Variants in ZBBX observed in about 807,000 individuals in gnomAD.
ZBBX encodes the protein zinc finger B-box domain-containing protein 1.
ZBBX carries 101 observed loss-of-function variants against 108.5 expected under a neutral mutation model. That is an observed-to-expected ratio of 0.93 (90% confidence interval 0.79 to 1.10). The LOEUF (loss-of-function observed/expected upper bound fraction) is 1.10, where lower values mean the gene tolerates loss of function less well. Among genes scored for constraint, ZBBX ranks in the 50% least tolerant of loss-of-function variants. The probability of loss-of-function intolerance (pLI) is 0.00; values close to 1 mark genes in which losing one functional copy is unlikely to be tolerated. For missense variants in ZBBX, 1,009 were observed against 941.4 expected, an observed-to-expected ratio of 1.07 and a Z score of -0.94; for synonymous variants, 356 against 323.4, an observed-to-expected ratio of 1.10 and a Z score of -1.08.
the ZBBX span, among the ~76,000 whole-genome samples, chr3:167,228,895 G>A: frequency 6.6e-6 from 1 of 151,682 alleles, no homozygotes; most frequent in Non-Finnish European, 1.5e-5. Context: ...TTGCTCCCAC[G>A]AATGAGTGGA....
chr3:167,255,277 A>G (rs913137894), intron 20 of ZBBX, among the ~76,000 whole-genome samples: 3 of 152,108 alleles, frequency 2.0e-5, no homozygotes, highest in Non-Finnish European at 4.4e-5. Flanking sequence ...ACTGTGACCT[A>G]CTAAATACAT....
intron 20 of ZBBX, among the ~76,000 whole-genome samples, chr3:167,274,593 T>C (rs1412239508): frequency 6.6e-6 from 1 of 152,234 alleles, no homozygotes; most frequent in Non-Finnish European, 1.5e-5. Flanking sequence ...GTTCTCCAAC[T>C]TAACTTTCTT....
intron 18 of ZBBX, among the ~76,000 whole-genome samples, chr3:167,291,209 C>A (rs1040613663): frequency 6.6e-6 from 1 of 151,856 alleles, no homozygotes; most frequent in African/African-American, 2.4e-5. Context: ...ACAGAGAACA[C>A]CAAAAAGATA....
chr3:167,211,776 C>T, the ZBBX span, among the ~76,000 whole-genome samples: 1 of 152,040 alleles, frequency 6.6e-6, no homozygotes, highest in East Asian at 1.9e-4. Context: ...GACCTCCAAA[C>T]CAGGACCTCC....
chr3:167,318,057 A>C (rs1053340188), intron 12 of ZBBX, among the ~76,000 whole-genome samples: 8 of 151,978 alleles, frequency 5.3e-5, no homozygotes, highest in Admixed American at 1.3e-4. Flanking sequence ...CTACAATAAA[A>C]ATGTAAGGTG....
At chr3:167,375,366 C>T (rs1404985948) in intron 2 of ZBBX, among the ~76,000 whole-genome samples, 2 of 151,998 alleles carry the variant, frequency 1.3e-5, no homozygotes, top group African/African-American at 4.8e-5. Flanking sequence ...CCAAGGTGGG[C>T]AGATGACTTG....
chr3:167,220,237 A>T, the ZBBX span, among the ~76,000 whole-genome samples: 3 of 152,044 alleles, frequency 2.0e-5, no homozygotes, highest in African/African-American at 7.2e-5. Context: ...TTACTCTAGG[A>T]GGCCAGTTTT....
intron 16 of ZBBX, among the ~76,000 whole-genome samples, chr3:167,308,728 TATAAGAGGAAGCTAAATGGTGAGAACAC>T (rs1469430465): frequency 6.6e-6 from 1 of 152,056 alleles, no homozygotes; most frequent in African/African-American, 2.4e-5. Context: ...GTTTATAATT[TATAAGAGGAAGCTAAATGGTGAGAACAC>T]ATGGACACTT....
At chr3:167,407,165 T>C (rs1748610908) in intron 1 of ZBBX, among the ~76,000 whole-genome samples, 2 of 152,162 alleles carry the variant, frequency 1.3e-5, no homozygotes, top group Non-Finnish European at 2.9e-5. Context: ...TGAATAAGTA[T>C]AAATATGTGC....
At chr3:167,249,738 A>G (rs1169814303) in intron 20 of ZBBX, among the ~76,000 whole-genome samples, 1 of 152,196 alleles carries the variant, frequency 6.6e-6, no homozygotes, top group African/African-American at 2.4e-5. Flanking sequence ...TCAAACCCCA[A>G]TGGACACTCA....
intron 20 of ZBBX, among the ~76,000 whole-genome samples, chr3:167,264,349 C>T (rs974694242): frequency 3.9e-5 from 6 of 152,066 alleles, no homozygotes; most frequent in Non-Finnish European, 8.8e-5. Context: ...TTAATTTACG[C>T]TTTTTATTTT....
chr3:167,183,249 A>G, the ZBBX span, among the ~76,000 whole-genome samples: 1 of 152,164 alleles, frequency 6.6e-6, no homozygotes, highest in African/African-American at 2.4e-5. Context: ...GGTGGAACCA[A>G]CCAGAGCCCA....
intron 20 of ZBBX, among the ~76,000 whole-genome samples, chr3:167,253,062 TA>T (rs984886544): frequency 3.3e-5 from 5 of 152,270 alleles, no homozygotes; most frequent in Admixed American, 1.3e-4. Context: ...GAATGATGGG[TA>T]AATATGGATT....
At chr3:167,289,592 C>A in intron 18 of ZBBX, among the ~76,000 whole-genome samples, 1 of 152,222 alleles carries the variant, frequency 6.6e-6, no homozygotes, top group East Asian at 1.9e-4. Context: ...TTCCCGTGGT[C>A]TTCGCAACCC....
At chr3:167,224,361 A>G in the ZBBX span, among the ~76,000 whole-genome samples, 3 of 151,990 alleles carry the variant, frequency 2.0e-5, no homozygotes, top group African/African-American at 4.8e-5. Context: ...ACAGTTAGAT[A>G]AGAGGAATAA....
chr3:167,370,953 C>T (rs1044003332), intron 4 of ZBBX, among the ~76,000 whole-genome samples: 4 of 151,960 alleles, frequency 2.6e-5, no homozygotes, highest in East Asian at 3.9e-4. Context: ...AATCCAAGGG[C>T]TAGAAATAAG....
At chr3:167,187,759 C>T in the ZBBX span, among the ~76,000 whole-genome samples, 1 of 152,100 alleles carries the variant, frequency 6.6e-6, no homozygotes, top group South Asian at 2.1e-4. Flanking sequence ...TATTACTATC[C>T]AAGGTGGCAA....
chr3:167,264,526 C>A (rs576553938), intron 20 of ZBBX, among the ~76,000 whole-genome samples: 1 of 152,236 alleles, frequency 6.6e-6, no homozygotes, highest in South Asian at 2.1e-4. Flanking sequence ...TATGAACCTG[C>A]TTTTTAACTT....
At chr3:167,377,438 G>T (rs535402369) in intron 2 of ZBBX, among the ~76,000 whole-genome samples, 46 of 152,166 alleles carry the variant, frequency 3.0e-4, no homozygotes, top group African/African-American at 1.1e-3. Context: ...CTAGGCACAA[G>T]ACTTAAAAAC....
Sources: gnomAD v4.1 joint callset for allele counts (sites outside exome capture counted in the v4.1 genomes callset) on GRCh38, gnomAD v4.1.1 for gene constraint, MANE v1.5 for transcripts, NCBI Gene and HGNC (gene_info 2026-07-23, HGNC 2026-07-21) for gene names.